Variants in PTPRD observed in about 807,000 individuals in gnomAD.
PTPRD encodes the protein protein tyrosine phosphatase receptor type D, also known as receptor-type tyrosine-protein phosphatase delta.
In PTPRD, 34 loss-of-function variants were observed where a neutral mutation model predicts 214.5. That is an observed-to-expected ratio of 0.16 (90% CI 0.12 to 0.21). PTPRD has a LOEUF of 0.21. Ranked by LOEUF, PTPRD falls within the 10% of genes least tolerant of loss-of-function variation. The pLI is 1.00. For missense variants in PTPRD, 2,545 were observed against 2,398.7 expected, an observed-to-expected ratio of 1.06 and a Z score of -1.27; for synonymous variants, 1,128 against 845.7, an observed-to-expected ratio of 1.33 and a Z score of -5.79.
chr9:9,071,644 A>C (rs545598152), intron 10 of PTPRD, among the ~76,000 whole-genome samples: 2 of 152,280 alleles, frequency 1.3e-5, no homozygotes, highest in East Asian at 3.9e-4. Context: ...TAATTCTGAC[A>C]ACAACTTGAA....
At chr9:8,752,681 A>G (rs2093641852) in intron 11 of PTPRD, among the ~76,000 whole-genome samples, 1 of 152,116 alleles carries the variant, frequency 6.6e-6, no homozygotes, top group East Asian at 1.9e-4. Flanking sequence ...AGGATGAAAG[A>G]CCATGGGGAG....
intron 11 of PTPRD, among the ~76,000 whole-genome samples, chr9:8,852,919 C>A (rs1175901654): frequency 6.6e-6 from 1 of 152,118 alleles, no homozygotes; most frequent in Non-Finnish European, 1.5e-5. Flanking sequence ...AGGAGGGAGG[C>A]ACTGCAGGCA....
chr9:10,047,515 T>C (rs1383071209), intron 3 of PTPRD, among the ~76,000 whole-genome samples: 1 of 151,992 alleles, frequency 6.6e-6, no homozygotes, highest in Non-Finnish European at 1.5e-5. Context: ...AAGGAAAATA[T>C]CTTCCTTGTG....
At chr9:9,069,811 T>G (rs1255056521) in intron 10 of PTPRD, among the ~76,000 whole-genome samples, 1 of 152,298 alleles carries the variant, frequency 6.6e-6, no homozygotes. Context: ...CTAGCAGCAC[T>G]GGAAGAGGAG....
chr9:8,556,017 G>A (rs947509267), intron 14 of PTPRD, among the ~76,000 whole-genome samples: 4 of 152,148 alleles, frequency 2.6e-5, no homozygotes, highest in African/African-American at 4.8e-5. Context: ...GTGTCTTGGC[G>A]GATCTGGAAA....
intron 37 of PTPRD, among the ~76,000 whole-genome samples, chr9:8,388,580 G>C (rs937197510): frequency 2.0e-5 from 3 of 152,100 alleles, no homozygotes; most frequent in African/African-American, 7.2e-5. Context: ...TAACTAATGT[G>C]CCATGCACCA....
intron 11 of PTPRD, among the ~76,000 whole-genome samples, chr9:8,870,503 C>G (rs779732084): frequency 6.6e-6 from 1 of 152,080 alleles, no homozygotes; most frequent in Non-Finnish European, 1.5e-5. Flanking sequence ...TGCTGTTTCT[C>G]AAACTTTCCA....
chr9:8,923,790 C>G (rs2098844717), intron 11 of PTPRD, among the ~76,000 whole-genome samples: 1 of 152,166 alleles, frequency 6.6e-6, no homozygotes, highest in East Asian at 1.9e-4. Flanking sequence ...ACATGTGGCT[C>G]TACGTGCCAG....
chr9:8,314,954 AAAAT>A lies in PTPRD; in HGVS notation c.*2916_*2919del, dbSNP rs1195748671. 4.3e-6 allele frequency: 1 copy of A among 232,458 alleles called. No individual in the cohort carries two copies. Among genetic ancestry groups the A allele is most frequent in the African/African-American group, 2.2e-5 (1 of 45,276 alleles). 14.4% of individuals were successfully genotyped at this position (232,458 alleles called of 1,614,324 possible). A position where few individuals can be genotyped will look rare whatever the true frequency, so the allele number is the denominator to read the frequency against. On this transcript the variant is annotated 3_prime_UTR_variant, in exon 46 of 46. Coordinates refer to ENST00000381196, the MANE Select transcript of PTPRD (RefSeq NM_002839.4). ...TGCAAATCATTTTTAAAAAAGAGCT[AAAAT>A]AAAGTTCTGTACAAATCACTTTTTA...
intron 3 of PTPRD, among the ~76,000 whole-genome samples, chr9:10,185,861 A>G (rs1593468482): frequency 6.6e-6 from 1 of 152,050 alleles, no homozygotes; most frequent in African/African-American, 2.4e-5. Context: ...AGATAATAAA[A>G]CCTGCCATGT....
At chr9:8,751,008 G>C (rs925533702) in intron 11 of PTPRD, among the ~76,000 whole-genome samples, 1 of 152,108 alleles carries the variant, frequency 6.6e-6, no homozygotes, top group African/African-American at 2.4e-5. Context: ...TAGCCATTAA[G>C]CTCTATTGTG....
chr9:9,087,393 G>A (rs1034637331), intron 10 of PTPRD, among the ~76,000 whole-genome samples: 6 of 152,050 alleles, frequency 3.9e-5, no homozygotes, highest in Admixed American at 2.6e-4. Flanking sequence ...GTGGTTTACC[G>A]ATAAGTTCAA....
chr9:8,822,690 T>C (rs996248142), intron 11 of PTPRD, among the ~76,000 whole-genome samples: 2 of 152,282 alleles, frequency 1.3e-5, no homozygotes, highest in Admixed American at 6.5e-5. Flanking sequence ...GTTGGGGCTA[T>C]TATTTTTATA....
At chr9:9,331,939 G>C (rs376676542) in intron 9 of PTPRD, among the ~76,000 whole-genome samples, 21 of 152,096 alleles carry the variant, frequency 1.4e-4, no homozygotes, top group African/African-American at 4.8e-4. Flanking sequence ...AAATTAATGT[G>C]ACCTAGAGTT....
chr9:10,170,568 T>C (rs902412484), intron 3 of PTPRD, among the ~76,000 whole-genome samples: 2 of 151,954 alleles, frequency 1.3e-5, no homozygotes, highest in Non-Finnish European at 2.9e-5. Flanking sequence ...GCGCCTGTAG[T>C]CCCAGCTACT....
At chr9:9,757,658 G>A (rs1467308011) in intron 6 of PTPRD, among the ~76,000 whole-genome samples, 5 of 151,902 alleles carry the variant, frequency 3.3e-5, no homozygotes, top group Non-Finnish European at 5.9e-5. Flanking sequence ...AAAGGATGTG[G>A]GGTTTGGGAT....
chr9:8,592,724 T>G (rs929730900), intron 14 of PTPRD, among the ~76,000 whole-genome samples: 2 of 152,214 alleles, frequency 1.3e-5, no homozygotes, highest in Admixed American at 1.3e-4. Context: ...ACATAAGGGT[T>G]GCTGTGCTTG....
chr9:8,811,992 G>T (rs2096818030), intron 11 of PTPRD, among the ~76,000 whole-genome samples: 1 of 152,170 alleles, frequency 6.6e-6, no homozygotes, highest in African/African-American at 2.4e-5. Flanking sequence ...GGGAATTCTG[G>T]AATTGTGAAA....
At chr9:10,190,658 C>T (rs1046381888) in intron 3 of PTPRD, among the ~76,000 whole-genome samples, 1 of 126,830 alleles carries the variant, frequency 7.9e-6, no homozygotes, top group Non-Finnish European at 1.6e-5. Flanking sequence ...GCAGAAAGTA[C>T]AGTAAGCCAA....
Sources: gnomAD v4.1 joint callset for allele counts (sites outside exome capture counted in the v4.1 genomes callset) on GRCh38, gnomAD v4.1.1 for gene constraint, MANE v1.5 for transcripts, NCBI Gene and HGNC (gene_info 2026-07-23, HGNC 2026-07-21) for gene names.